PLXNA4: variants seen among roughly 807,000 people sequenced by gnomAD.
The protein encoded by PLXNA4 is plexin-A4.
In PLXNA4, 44 loss-of-function variants were observed where a neutral mutation model predicts 191.8. The observed-to-expected ratio is 0.23, with a 90% CI of 0.18 to 0.29. The LOEUF (loss-of-function observed/expected upper bound fraction) is 0.29. Among genes scored for constraint, PLXNA4 ranks in the 10% least tolerant of loss-of-function variants. The pLI is 1.00. For synonymous variants in PLXNA4, 1,082 were observed against 1,009.5 expected, an observed-to-expected ratio of 1.07 and a Z score of -1.36; for missense variants, 1,800 against 2,488.8, an observed-to-expected ratio of 0.72 and a Z score of 5.89.
intron 2 of PLXNA4, among the ~76,000 whole-genome samples, chr7:132,638,213 C>T (rs1052637778): frequency 6.6e-5 from 10 of 152,386 alleles, no homozygotes; most frequent in East Asian, 1.9e-4. Flanking sequence ...CCCTCTATCA[C>T]GGGCAGCTCT....
intron 4 of PLXNA4, among the ~76,000 whole-genome samples, chr7:132,253,177 T>A (rs565339438): frequency 6.6e-6 from 1 of 152,170 alleles, no homozygotes; most frequent in East Asian, 1.9e-4. Flanking sequence ...TTAAACTAAA[T>A]TAACTGTGCA....
chr7:132,198,336 G>A (rs1201318189), intron 13 of PLXNA4, 149 bp downstream of exon 13: 5 of 1,118,338 alleles, frequency 4.5e-6, no homozygotes, highest in Non-Finnish European at 6.1e-6. Context: ...AGTTGTGGGA[G>A]TCCACCCTCC....
chr7:132,383,295 A>C (rs571516963), intron 3 of PLXNA4, among the ~76,000 whole-genome samples: 7 of 152,324 alleles, frequency 4.6e-5, no homozygotes, highest in African/African-American at 1.4e-4. Flanking sequence ...TTGGACATGG[A>C]TATTTCAAAG....
intron 1 of PLXNA4, among the ~76,000 whole-genome samples, chr7:132,567,846 C>A (rs1311700540): frequency 6.6e-6 from 1 of 152,150 alleles, no homozygotes; most frequent in African/African-American, 2.4e-5. Flanking sequence ...CTGCTTGAAG[C>A]AGGGGCTGAC....
At chr7:132,642,885 G>A (rs1803770906) in intron 2 of PLXNA4, among the ~76,000 whole-genome samples, 1 of 152,212 alleles carries the variant, frequency 6.6e-6, no homozygotes, top group Non-Finnish European at 1.5e-5. Flanking sequence ...TAGATAGAAA[G>A]TGCTGGATGC....
chr7:132,531,782 T>A (rs6467439), intron 1 of PLXNA4, among the ~76,000 whole-genome samples: 29 of 152,134 alleles, frequency 1.9e-4, no homozygotes, highest in South Asian at 8.3e-4. Flanking sequence ...CATTCTTGCC[T>A]GGAGTGATTC....
At position 132,228,391 on chromosome 7, in the gene PLXNA4, C is replaced by T; in HGVS notation, c.1683G>A (p.Leu561=). ...FASEMKQCVR[L]TVHPNNISVS... is the part of the protein sequence containing the mutation. ...CGGAGATATTGTTGGGATGGACCGT[C>T]AGCCGGACACACTGCTTCATCTCCG... The change falls in exon 6 of 32, where the codon CTG becomes CTA. Residue 561 remains leucine (L), a synonymous_variant. Coordinates refer to ENST00000321063, the MANE Select transcript of PLXNA4 (RefSeq NM_020911.2). 6.2e-7 allele frequency: 1 copy of T among 1,614,138 alleles called. No homozygotes were observed. Among genetic ancestry groups the T allele is most frequent in the Non-Finnish European group, 8.5e-7 (1 of 1,180,042 alleles).
At chr7:132,612,477 A>G (rs1383104411) in intron 2 of PLXNA4, among the ~76,000 whole-genome samples, 1 of 152,038 alleles carries the variant, frequency 6.6e-6, no homozygotes, top group African/African-American at 2.4e-5. Context: ...CCTGGCCAAC[A>G]TGGTGAAACC....
chr7:132,559,003 C>T (rs545004445), intron 1 of PLXNA4, among the ~76,000 whole-genome samples: 1 of 152,146 alleles, frequency 6.6e-6, no homozygotes, highest in Non-Finnish European at 1.5e-5. Context: ...AACAAGGACA[C>T]CCCCGGTGGC....
intron 4 of PLXNA4, among the ~76,000 whole-genome samples, chr7:132,284,002 T>G (rs1194926543): frequency 6.6e-6 from 1 of 151,980 alleles, no homozygotes; most frequent in African/African-American, 2.4e-5. Flanking sequence ...CAAGACCTCA[T>G]CTCTACACAA....
chr7:132,133,308 G>T lies in PLXNA4; in HGVS notation c.5439-109C>A, dbSNP rs1265717494. On this transcript the variant is annotated intron_variant, in intron 30 of 31. Coordinates refer to ENST00000321063, the MANE Select transcript of PLXNA4 (RefSeq NM_020911.2). ...GGCCATGAGCTCAGCTTGCACTGCAGGTAGTGGGTACTTGTGCTGTGGCCA... is the reference window on the plus strand; with the variant it reads ...GGCCATGAGCTCAGCTTGCACTGCATGTAGTGGGTACTTGTGCTGTGGCCA... 2.6e-6 allele frequency: 4 copies of T among 1,519,078 alleles called. No homozygotes were observed. The East Asian group carries it at 9.1e-5, about 35-fold the overall frequency. The allele number at this position is 1,519,078 out of a possible 1,614,324, so 94.1% of individuals were successfully genotyped here. A position where few individuals can be genotyped will look rare whatever the true frequency, so the allele number is the denominator to read the frequency against.
At chr7:132,410,306 T>G (rs1038993397) in intron 3 of PLXNA4, among the ~76,000 whole-genome samples, 1 of 152,112 alleles carries the variant, frequency 6.6e-6, no homozygotes, top group Non-Finnish European at 1.5e-5. Context: ...CACAGTGCCT[T>G]CCATCTGAGC....
intron 5 of PLXNA4, among the ~76,000 whole-genome samples, chr7:132,236,046 T>G (rs1798689694): frequency 1.3e-5 from 2 of 152,264 alleles, no homozygotes; most frequent in Admixed American, 6.5e-5. Context: ...AGCAACTGAG[T>G]GACCCTGTGT....
At chr7:132,398,974 C>T (rs1470979157) in intron 3 of PLXNA4, among the ~76,000 whole-genome samples, 1 of 152,170 alleles carries the variant, frequency 6.6e-6, no homozygotes, top group Non-Finnish European at 1.5e-5. Flanking sequence ...ACCTCCACTC[C>T]TCAGCTGGCC....
chr7:132,628,059 C>T (rs1455346508), intron 2 of PLXNA4, among the ~76,000 whole-genome samples: 1 of 152,134 alleles, frequency 6.6e-6, no homozygotes, highest in African/African-American at 2.4e-5. Context: ...TAGACAGAAG[C>T]CTTCTAATCC....
intron 10 of PLXNA4, 100 bp downstream of exon 10, chr7:132,210,843 A>C (rs1227904226): frequency 6.0e-6 from 8 of 1,343,882 alleles, no homozygotes; most frequent in Non-Finnish European, 8.2e-6. Context: ...CGTGTTGAGG[A>C]AACGACTGCA....
At chr7:132,623,629 C>A (rs559965954) in intron 2 of PLXNA4, among the ~76,000 whole-genome samples, 1 of 152,258 alleles carries the variant, frequency 6.6e-6, no homozygotes, top group Non-Finnish European at 1.5e-5. Context: ...TGGCTGAAGA[C>A]AAGGAGAGGA....
At chr7:132,421,021 C>T (rs933133630) in intron 3 of PLXNA4, among the ~76,000 whole-genome samples, 2 of 152,208 alleles carry the variant, frequency 1.3e-5, no homozygotes, top group African/African-American at 2.4e-5. Flanking sequence ...TGGACTAACA[C>T]AACTGCCATC....
chr7:132,408,535 C>T (rs1284546164), intron 3 of PLXNA4, among the ~76,000 whole-genome samples: 1 of 151,988 alleles, frequency 6.6e-6, no homozygotes, highest in Non-Finnish European at 1.5e-5. Flanking sequence ...GCAATCTTGG[C>T]TCACTGCAAA....
Sources: gnomAD v4.1 joint callset for allele counts (sites outside exome capture counted in the v4.1 genomes callset) on GRCh38, gnomAD v4.1.1 for gene constraint, MANE v1.5 for transcripts, NCBI Gene and HGNC (gene_info 2026-07-23, HGNC 2026-07-21) for gene names.